Variants in POLA1 observed in about 807,000 individuals in gnomAD.
The protein encoded by POLA1 is DNA polymerase alpha catalytic subunit.
In POLA1, 15 loss-of-function variants were observed where a neutral mutation model predicts 124.0. The ratio of observed to expected loss-of-function variants is 0.12; its 90% CI spans 0.08 to 0.19. The LOEUF is 0.19. Ranked by LOEUF, POLA1 falls within the 10% of genes least tolerant of loss-of-function variation. The pLI, the probability that POLA1 is intolerant of heterozygous loss-of-function variation, is 1.00. For missense variants in POLA1, 886 were observed against 1,103.4 expected (o/e 0.80, Z 2.79); for synonymous variants, 408 against 389.4 (o/e 1.05, Z -0.56).
At chrX:24,965,283 A>G (rs1354660140) in intron 36 of POLA1, among the ~76,000 whole-genome samples, 1 of 112,307 alleles carries the variant, frequency 8.9e-6, no homozygotes, top group Non-Finnish European at 1.9e-5. Flanking sequence ...AAGGATCAGC[A>G]TGTTTTCTTT....
At chrX:24,792,195 C>G (rs1396489837) in intron 26 of POLA1, among the ~76,000 whole-genome samples, 1 of 110,893 alleles carries the variant, frequency 9.0e-6, no homozygotes, top group Non-Finnish European at 1.9e-5. Flanking sequence ...TTTTCAAACA[C>G]TAAAACTCTT....
intron 1 of POLA1, among the ~76,000 whole-genome samples, chrX:24,694,437 G>C: frequency 8.9e-6 from 1 of 112,593 alleles, no homozygotes; most frequent in Non-Finnish European, 1.9e-5. Context: ...TTGTAACTAA[G>C]CAGGAAAGAA....
rs34478463 is a variant in POLA1, at chrX:24,849,628, A to AT, written c.4047+5971dup. ...AGGCACATACTACCATGCCCAGCTA[A>AT]TTTTTTTTTTTTTTTTTTTTCGAGA... On this transcript the variant is annotated intron_variant, in intron 34 of 36. Coordinates refer to ENST00000379068, the MANE Select transcript of POLA1 (RefSeq NM_001330360.2). 3.4e-3 allele frequency among the ~76,000 whole-genome samples: 269 copies of AT among 79,053 alleles called. 2 individuals carry two copies. The highest frequency in any genetic ancestry group is 8.2e-3 in the African/African-American group (160 of 19,501). 68.6% of individuals were successfully genotyped at this position (79,053 alleles called of 115,157 possible).
rs12381632 is a variant in POLA1, at chrX:24,878,749, T to A, written c.4048-9257T>A. Among the ~76,000 whole-genome samples the A allele has an allele frequency of 1.4e-3, 148 of 107,286 alleles. No homozygotes were observed. The South Asian group carries it at 0.024, about 17-fold the overall frequency. The allele number at this position is 107,286 out of a possible 115,157, so 93.2% of individuals were successfully genotyped here. On this transcript the variant is annotated intron_variant, in intron 34 of 36. Coordinates refer to ENST00000379068, the MANE Select transcript of POLA1 (RefSeq NM_001330360.2). The stretch of plus-strand genomic sequence containing the variant: ...GATTTAGTAAAAAAAAAAAAAAAAA[T>A]TTTTTTTAAGAACAGACTATTTTTT...
At chrX:24,977,107 G>GTATT (rs1315406697) in intron 36 of POLA1, among the ~76,000 whole-genome samples, 1 of 112,107 alleles carries the variant, frequency 8.9e-6, no homozygotes, top group African/African-American at 3.2e-5. Flanking sequence ...CATCATCTGG[G>GTATT]TATTGCCTTC....
At chrX:24,849,994 A>T (rs2046534734) in intron 34 of POLA1, among the ~76,000 whole-genome samples, 1 of 110,631 alleles carries the variant, frequency 9.0e-6, no homozygotes, top group Non-Finnish European at 1.9e-5. Flanking sequence ...GCTGGTCTTG[A>T]ACCCCTGGCC....
chrX:24,703,977 T>TA (rs1286683318), intron 3 of POLA1, among the ~76,000 whole-genome samples: 1 of 112,079 alleles, frequency 8.9e-6, no homozygotes, highest in South Asian at 3.7e-4. Flanking sequence ...TGCCTGTGAC[T>TA]ATTTATGTTT....
chrX:24,906,743 A>G (rs1200851193), intron 35 of POLA1, among the ~76,000 whole-genome samples: 1 of 111,936 alleles, frequency 8.9e-6, no homozygotes, highest in East Asian at 2.8e-4. Flanking sequence ...TGGGGGAAAA[A>G]AAAAAGAAAT....
chrX:24,743,460 C>G (rs188628275), intron 23 of POLA1, 131 bp downstream of exon 23: 1 of 342,816 alleles, frequency 2.9e-6, no homozygotes. Context: ...TTTTATCTTT[C>G]GTTCACGTGA....
In POLA1 at chrX:24,870,495, C is replaced by T. The variant is rs2046850407; in HGVS notation, c.4048-17511C>T. ...GTGCAAGGCCTTCTGAGAGTGTTCC[C>T]AGGGAAGAAGAGTTGATTAGGTAGA... On this transcript the variant is annotated intron_variant, in intron 34 of 36. Transcript: ENST00000379068. 2.7e-5 allele frequency among the ~76,000 whole-genome samples: 3 copies of T among 111,758 alleles called. No individual in the cohort carries two copies. The South Asian group carries it at 1.1e-3, about 42-fold the overall frequency.
chrX:24,701,034 A>G (rs773207063), intron 2 of POLA1, among the ~76,000 whole-genome samples: 4 of 111,968 alleles, frequency 3.6e-5, no homozygotes, highest in Non-Finnish European at 7.5e-5. Flanking sequence ...CCTTGATAAT[A>G]TAGTGAATCA....
intron 28 of POLA1, among the ~76,000 whole-genome samples, chrX:24,812,387 G>T (rs1221210622): frequency 9.0e-6 from 1 of 111,390 alleles, no homozygotes; most frequent in Non-Finnish European, 1.9e-5. Flanking sequence ...ATTACCTGGG[G>T]CTGATCCAGC....
chrX:24,954,737 C>T (rs2048086666), intron 36 of POLA1, among the ~76,000 whole-genome samples: 1 of 112,211 alleles, frequency 8.9e-6, no homozygotes. Flanking sequence ...TCTTATTCTT[C>T]ACTGGTCAGT....
intron 34 of POLA1, among the ~76,000 whole-genome samples, chrX:24,879,075 G>A (rs1569347688): frequency 9.0e-6 from 1 of 111,213 alleles, no homozygotes; most frequent in Non-Finnish European, 1.9e-5. Context: ...ACCAAACCTT[G>A]AGTTCACTTT....
rs904573668 is a variant in POLA1, at chrX:24,899,047, C to G, written c.4164+10925C>G. ...AATATTTAAATGTAATCATATCAAG[C>G]CGATTTCCCACTCCTCACAATAGGA... On this transcript the variant is annotated intron_variant, in intron 35 of 36. Coordinates refer to ENST00000379068, the MANE Select transcript of POLA1 (RefSeq NM_001330360.2). 1.2e-4 allele frequency among the ~76,000 whole-genome samples: 13 copies of G among 111,177 alleles called. No homozygotes were observed. The East Asian group carries it at 3.7e-3, about 32-fold the overall frequency.
intron 26 of POLA1, among the ~76,000 whole-genome samples, chrX:24,791,475 C>T (rs2045495617): frequency 8.9e-6 from 1 of 112,694 alleles, no homozygotes; most frequent in African/African-American, 3.2e-5. Flanking sequence ...CAACCTCCAC[C>T]TCCCGGTTCA....
intron 26 of POLA1, among the ~76,000 whole-genome samples, chrX:24,799,886 C>T (rs1569316200): frequency 8.9e-6 from 1 of 111,944 alleles, no homozygotes; most frequent in East Asian, 2.8e-4. Context: ...CATGCTTGAT[C>T]CCACTAATGT....
chrX:24,782,977 G>T (rs1424616284), intron 26 of POLA1, among the ~76,000 whole-genome samples: 1 of 110,059 alleles, frequency 9.1e-6, no homozygotes, highest in Non-Finnish European at 1.9e-5. Flanking sequence ...CTCTTTAAAA[G>T]ATCCAGGGAA....
intron 36 of POLA1, among the ~76,000 whole-genome samples, chrX:24,961,792 G>T (rs1486444402): frequency 9.0e-6 from 1 of 111,582 alleles, no homozygotes; most frequent in Non-Finnish European, 1.9e-5. Context: ...CTCTGAGATG[G>T]ACCCAGGCAT....
Sources: allele counts gnomAD v4.1 joint callset (sites outside exome capture counted in the v4.1 genomes callset), GRCh38; gene constraint gnomAD v4.1.1; transcripts MANE v1.5; gene names NCBI Gene and HGNC (gene_info 2026-07-23, HGNC 2026-07-21).